EXOC6: variants seen among roughly 807,000 people sequenced by gnomAD.
EXOC6 encodes exocyst complex component 6.
EXOC6 carries 60 observed loss-of-function variants against 112.5 expected under a neutral mutation model. That is an observed-to-expected ratio of 0.53 (90% CI 0.43 to 0.66). EXOC6 has a LOEUF of 0.66. Among genes scored for constraint, EXOC6 ranks in the 30% least tolerant of loss-of-function variants. The probability of loss-of-function intolerance (pLI) is 0.00; values close to 1 mark genes in which losing one functional copy is unlikely to be tolerated. For missense variants in EXOC6, 855 were observed against 957.1 expected (o/e 0.89, Z 1.41); for synonymous variants, 295 against 308.0 (o/e 0.96, Z 0.44).
intron 18 of EXOC6, among the ~76,000 whole-genome samples, chr10:92,990,961 A>G (rs761146130): frequency 2.0e-5 from 3 of 152,162 alleles, no homozygotes; most frequent in Non-Finnish European, 4.4e-5. Context: ...ATGAGTGACA[A>G]AGACCTACTT....
chr10:92,890,922 A>G (rs1313509800), intron 1 of EXOC6, among the ~76,000 whole-genome samples: 1 of 152,196 alleles, frequency 6.6e-6, no homozygotes, highest in Non-Finnish European at 1.5e-5. Flanking sequence ...TAATGGGACA[A>G]TTCCCATTAG....
chr10:92,927,980 G>A (rs1420180540), intron 8 of EXOC6, among the ~76,000 whole-genome samples: 4 of 152,156 alleles, frequency 2.6e-5, no homozygotes, highest in African/African-American at 9.7e-5. Context: ...GTTACACATA[G>A]GGCCTTGTAT....
intron 1 of EXOC6, among the ~76,000 whole-genome samples, chr10:92,882,174 GCTAA>G (rs1217580205): frequency 2.6e-5 from 4 of 152,022 alleles, no homozygotes; most frequent in African/African-American, 9.7e-5. Context: ...ATTTCATATT[GCTAA>G]CTAACTATAG....
chr10:92,955,507 C>A (rs1589906815), intron 16 of EXOC6, 73 bp from the exon 17 acceptor site: 2 of 1,205,378 alleles, frequency 1.7e-6, no homozygotes, highest in East Asian at 4.7e-5. Flanking sequence ...AAGTAATAAT[C>A]CCATTTTTAA....
rs188767510 is a variant in EXOC6, at chr10:93,049,779, G to A, written c.2170-7145G>A. On this transcript the variant is annotated intron_variant, in intron 20 of 21. Coordinates refer to ENST00000260762, the MANE Select transcript of EXOC6 (RefSeq NM_019053.6). ...TTGTATGTCGAAACAGGGTCTCACC[G>A]TGTTGCCCAGGCTGGTCTCAAACTC... 1.2e-3 allele frequency among the ~76,000 whole-genome samples: 188 copies of A among 152,160 alleles called. 1 individual carries two copies. The highest frequency in any genetic ancestry group is 2.3e-3 in the Non-Finnish European group (155 of 67,994).
chr10:93,057,365 A>C (rs1402146362), intron 21 of EXOC6, among the ~76,000 whole-genome samples: 1 of 152,170 alleles, frequency 6.6e-6, no homozygotes, highest in East Asian at 1.9e-4. Context: ...CTCAGGAAAG[A>C]AGGTATTTTG....
chr10:93,041,146 C>G (rs9420608), intron 20 of EXOC6, among the ~76,000 whole-genome samples: 19,630 of 152,142 alleles, frequency 0.13, 1,410 homozygotes, highest in African/African-American at 0.18. Context: ...TTGCCATGTC[C>G]TGGACAATCA....
chr10:92,987,495 CAGAA>C (rs1225584301), intron 18 of EXOC6: 1 of 250,114 alleles, frequency 4.0e-6, no homozygotes, highest in Non-Finnish European at 6.3e-6. Flanking sequence ...GCAACAAACA[CAGAA>C]AGAACTTGCT....
At chr10:92,878,577 A>G (rs1006845542) in intron 1 of EXOC6, among the ~76,000 whole-genome samples, 6 of 152,068 alleles carry the variant, frequency 3.9e-5, no homozygotes, top group African/African-American at 1.4e-4. Flanking sequence ...CGCCCCTGGA[A>G]GATCATACTT....
chr10:92,915,297 T>C lies in EXOC6; in HGVS notation c.664-461T>C, dbSNP rs1351751268. 6.6e-5 allele frequency among the ~76,000 whole-genome samples: 10 copies of C among 152,024 alleles called. No individual in the cohort carries two copies. In the East Asian group the frequency reaches 1.9e-3, roughly 29 times the overall value. On this transcript the variant is annotated intron_variant, in intron 6 of 21. Coordinates refer to ENST00000260762, the MANE Select transcript of EXOC6 (RefSeq NM_019053.6). The stretch of plus-strand genomic sequence containing the variant: ...TGGGTCACACCTGTAATCCTAGCAC[T>C]CTGGGAGGCTGGGGCAGGCGGATTG...
chr10:92,936,931 T>G (rs1450865097), intron 12 of EXOC6, among the ~76,000 whole-genome samples: 1 of 152,108 alleles, frequency 6.6e-6, no homozygotes, highest in Non-Finnish European at 1.5e-5. Context: ...ACAGGTGGGG[T>G]GTACACCCTC....
chr10:92,835,756 G>A (rs1040461073), intron 1 of EXOC6, among the ~76,000 whole-genome samples: 3 of 152,198 alleles, frequency 2.0e-5, no homozygotes, highest in African/African-American at 7.2e-5. Flanking sequence ...TTAGGGTAGT[G>A]TTAGGGACAT....
chr10:92,910,718 A>C (rs907211597), intron 6 of EXOC6, among the ~76,000 whole-genome samples: 8 of 152,198 alleles, frequency 5.3e-5, no homozygotes, highest in African/African-American at 1.9e-4. Flanking sequence ...TCACGAGGTC[A>C]GGAGACCAAG....
chr10:93,041,711 G>A (rs181994984), intron 20 of EXOC6, among the ~76,000 whole-genome samples: 2 of 151,486 alleles, frequency 1.3e-5, no homozygotes, highest in Admixed American at 1.3e-4. Context: ...ACCGTGCCCG[G>A]CATTATTTAT....
At chr10:92,927,952 C>A (rs1288683453) in intron 8 of EXOC6, among the ~76,000 whole-genome samples, 1 of 152,076 alleles carries the variant, frequency 6.6e-6, no homozygotes, top group East Asian at 1.9e-4. Context: ...GAGGCAGGGG[C>A]TTGTATAACA....
intron 19 of EXOC6, among the ~76,000 whole-genome samples, chr10:92,998,628 CCACACACA>C (rs55823754): frequency 0.015 from 2,163 of 141,438 alleles, 54 homozygotes; most frequent in African/African-American, 0.053. Flanking sequence ...CTGTTGCACA[CCACACACA>C]CACACACACA....
chr10:93,036,377 GTATGT>G lies in EXOC6; in HGVS notation c.2170-20543_2170-20539del, dbSNP rs1845517231. 5.9e-5 allele frequency among the ~76,000 whole-genome samples: 9 copies of G among 152,222 alleles called. No homozygotes were observed. In the South Asian group the frequency reaches 1.9e-3, roughly 32 times the overall value. On this transcript the variant is annotated intron_variant, in intron 20 of 21. Transcript: ENST00000260762. Reference sequence around the variant, plus strand: ...TGTAGTTATTTCCTTTTTGGGGGAGGTATGTTATAATTCACATTTTTCATGCAACA... The same window carrying G: ...TGTAGTTATTTCCTTTTTGGGGGAGGTATAATTCACATTTTTCATGCAACA...
chr10:92,981,163 G>C (rs1842811237), intron 18 of EXOC6, among the ~76,000 whole-genome samples: 1 of 152,158 alleles, frequency 6.6e-6, no homozygotes, highest in African/African-American at 2.4e-5. Context: ...TTTTATATTA[G>C]CCAGAAAACT....
chr10:92,969,079 A>C (rs1842182751), intron 17 of EXOC6, among the ~76,000 whole-genome samples: 1 of 152,124 alleles, frequency 6.6e-6, no homozygotes, highest in Admixed American at 6.5e-5. Flanking sequence ...TTTGACCAAG[A>C]GAGTACAGTA....
Sources: gnomAD v4.1 joint callset for allele counts (sites outside exome capture counted in the v4.1 genomes callset) on GRCh38, gnomAD v4.1.1 for gene constraint, MANE v1.5 for transcripts, NCBI Gene and HGNC (gene_info 2026-07-23, HGNC 2026-07-21) for gene names.